CRACD: variants seen among roughly 807,000 people sequenced by gnomAD.
CRACD encodes capping protein-inhibiting regulator of actin dynamics.
Under a neutral mutation model 106.8 loss-of-function variants are expected in CRACD, and 56 were observed. The observed-to-expected ratio is 0.52, with a 90% CI of 0.42 to 0.66. The LOEUF (loss-of-function observed/expected upper bound fraction) is 0.66. CRACD is among the 30% of genes least tolerant of loss of function. The probability of loss-of-function intolerance (pLI) is 0.00; values close to 1 mark genes in which losing one functional copy is unlikely to be tolerated. For synonymous variants in CRACD, 754 were observed against 670.8 expected, an observed-to-expected ratio of 1.12 and a Z score of -1.92; for missense variants, 1,730 against 1,623.2, an observed-to-expected ratio of 1.07 and a Z score of -1.13.
In CRACD at chr4:56,322,642, C is replaced by G. The variant is rs555300493; in HGVS notation, c.3188-735C>G. Among the ~76,000 whole-genome samples, 84 of 152,320 alleles carry G rather than the reference C, an allele frequency of 5.5e-4. 1 individual carries two copies. The highest frequency in any genetic ancestry group is 3.4e-3 in the Middle Eastern group (1 of 294). On this transcript the variant is annotated intron_variant, in intron 8 of 10. Coordinates refer to ENST00000682029, the MANE Select transcript of CRACD (RefSeq NM_001393381.1). ...AGCTTCCCCATTAGGCAGAGTAGTG[C>G]TCCTTTTTCATCTTTCCAACATTGG... is the stretch of plus-strand genomic sequence containing the variant.
chr4:56,288,131 T>C (rs1368773437), intron 3 of CRACD, among the ~76,000 whole-genome samples: 1 of 152,208 alleles, frequency 6.6e-6, no homozygotes, highest in Admixed American at 6.5e-5. Context: ...TTTCCCATGA[T>C]TTTAGGCAAA....
Position 56,073,129 on chromosome 4 carries a change from G to A in CRACD, c.-336+23830G>A, listed in dbSNP as rs187316471. Among the ~76,000 whole-genome samples the A allele has an allele frequency of 3.6e-3, 547 of 152,280 alleles. 1 individual carries two copies. The highest frequency in any genetic ancestry group is 5.3e-3 in the Non-Finnish European group (363 of 68,026). On this transcript the variant is annotated intron_variant, in intron 1 of 10. Coordinates refer to ENST00000682029, the MANE Select transcript of CRACD (RefSeq NM_001393381.1). ...TCTTTGGGTATATACCCAACAATGG[G>A]ATGGCTGGGTCAAATGGTATTTCTG...
At chr4:56,063,794 A>G (rs1480948380) in intron 1 of CRACD, among the ~76,000 whole-genome samples, 2 of 152,308 alleles carry the variant, frequency 1.3e-5, no homozygotes, top group East Asian at 3.9e-4. Context: ...TACTCTGAGT[A>G]ATGCTGCTAT....
At chr4:56,133,683 A>G (rs1340140143) in intron 1 of CRACD, among the ~76,000 whole-genome samples, 1 of 152,226 alleles carries the variant, frequency 6.6e-6, no homozygotes, top group African/African-American at 2.4e-5. Flanking sequence ...AATTCAGATT[A>G]AATGTACATA....
intron 1 of CRACD, among the ~76,000 whole-genome samples, chr4:56,051,274 G>A (rs150608728): frequency 0.023 from 3,571 of 152,244 alleles, 62 homozygotes; most frequent in Admixed American, 0.059. Flanking sequence ...TTTATTCAAC[G>A]AACATTTACT....
chr4:56,294,504 C>T (rs1230764705), intron 3 of CRACD, among the ~76,000 whole-genome samples: 2 of 152,044 alleles, frequency 1.3e-5, no homozygotes, highest in East Asian at 3.8e-4. Flanking sequence ...GAGGAGTCAG[C>T]CCATGTTCAT....
intron 8 of CRACD, among the ~76,000 whole-genome samples, chr4:56,318,895 A>G (rs1475868016): frequency 6.6e-6 from 1 of 152,204 alleles, no homozygotes; most frequent in Non-Finnish European, 1.5e-5. Flanking sequence ...ACTTAACAAC[A>G]GTGGATCTAA....
At chr4:56,322,059 C>T (rs1394594005) in intron 8 of CRACD, among the ~76,000 whole-genome samples, 2 of 152,152 alleles carry the variant, frequency 1.3e-5, no homozygotes, top group Non-Finnish European at 2.9e-5. Flanking sequence ...ATTTCAAAAA[C>T]AATACTATAG....
intron 2 of CRACD, among the ~76,000 whole-genome samples, chr4:56,189,065 C>G (rs975503074): frequency 2.6e-5 from 4 of 152,060 alleles, no homozygotes; most frequent in Non-Finnish European, 5.9e-5. Context: ...CATCTGTAGT[C>G]CCAGTTACTG....
chr4:56,159,534 C>T (rs1414987725), intron 1 of CRACD, among the ~76,000 whole-genome samples: 5 of 151,966 alleles, frequency 3.3e-5, no homozygotes, highest in Non-Finnish European at 7.4e-5. Flanking sequence ...CGCCTGTAGT[C>T]CCAGCTACTC....
chr4:56,228,626 A>T (rs899295324), intron 2 of CRACD, among the ~76,000 whole-genome samples: 1 of 143,640 alleles, frequency 7.0e-6, no homozygotes, highest in Non-Finnish European at 1.6e-5. Flanking sequence ...AAAAAAAAAA[A>T]AGAATTCCAG....
intron 3 of CRACD, among the ~76,000 whole-genome samples, chr4:56,284,451 A>G (rs1415147254): frequency 2.0e-5 from 3 of 152,148 alleles, no homozygotes; most frequent in East Asian, 3.8e-4. Context: ...TTGGCCAGGC[A>G]TGGTGGCTCA....
intron 1 of CRACD, among the ~76,000 whole-genome samples, chr4:56,112,280 T>G (rs1734145441): frequency 6.6e-6 from 1 of 152,146 alleles, no homozygotes; most frequent in Non-Finnish European, 1.5e-5. Context: ...GGGCAGCTCA[T>G]GCTTAAGACC....
chr4:56,228,278 CTCTT>C (rs931138437), intron 2 of CRACD, among the ~76,000 whole-genome samples: 18 of 152,272 alleles, frequency 1.2e-4, no homozygotes, highest in African/African-American at 1.4e-4. Context: ...TATTATAACA[CTCTT>C]TATGAGAAAA....
chr4:56,196,221 G>A (rs1459017151), intron 2 of CRACD: 1 of 152,490 alleles, frequency 6.6e-6, no homozygotes, highest in Non-Finnish European at 1.5e-5. Context: ...ATGATGAAAG[G>A]TAATGTACTT....
At chr4:56,269,298 G>A (rs1009633707) in intron 2 of CRACD, among the ~76,000 whole-genome samples, 1 of 151,992 alleles carries the variant, frequency 6.6e-6, no homozygotes, top group African/African-American at 2.4e-5. Context: ...CATGAGAATT[G>A]CTTGAACCCG....
chr4:56,100,008 C>T (rs28465616), intron 1 of CRACD, among the ~76,000 whole-genome samples: 6,914 of 152,086 alleles, frequency 0.045, 196 homozygotes, highest in South Asian at 0.061. Context: ...TTTGGGAGGC[C>T]GAGACGGGCG....
intron 5 of CRACD, among the ~76,000 whole-genome samples, chr4:56,309,328 T>C (rs1208187275): frequency 1.3e-5 from 2 of 152,132 alleles, no homozygotes; most frequent in Non-Finnish European, 2.9e-5. Flanking sequence ...CTTCTAAGTG[T>C]GGTGTGGAGA....
chr4:56,103,082 G>A (rs1253430410), intron 1 of CRACD, among the ~76,000 whole-genome samples: 3 of 152,090 alleles, frequency 2.0e-5, no homozygotes, highest in African/African-American at 4.8e-5. Context: ...CCTATCCCTC[G>A]CTTTTAGTAG....
Sources: gnomAD v4.1 joint callset for allele counts (sites outside exome capture counted in the v4.1 genomes callset) on GRCh38, gnomAD v4.1.1 for gene constraint, MANE v1.5 for transcripts, NCBI Gene and HGNC (gene_info 2026-07-23, HGNC 2026-07-21) for gene names.